SIRPA: variants seen among roughly 807,000 people sequenced by gnomAD.
SIRPA encodes tyrosine-protein phosphatase non-receptor type substrate 1.
SIRPA carries 9 observed loss-of-function variants against 50.3 expected under a neutral mutation model. The observed-to-expected ratio is 0.18, with a 90% confidence interval of 0.11 to 0.31. The LOEUF is 0.31. SIRPA is among the 10% of genes least tolerant of loss of function. The pLI is 1.00. For missense variants in SIRPA, 474 were observed against 661.6 expected, an observed-to-expected ratio of 0.72 and a Z score of 3.11; for synonymous variants, 265 against 284.1, an observed-to-expected ratio of 0.93 and a Z score of 0.68.
rs143335460 is a variant in SIRPA, at chr20:1,921,412, G to A, written c.454G>A (p.Val152Met). 2.2e-5 allele frequency: 35 copies of A among 1,613,452 alleles called. No individual in the cohort carries two copies. Among genetic ancestry groups the A allele is most frequent in the East Asian group, 6.7e-5 (3 of 44,864 alleles). The change falls in exon 3 of 8, where the codon GTG becomes ATG. Residue 152 changes from valine (V) to methionine (M), a missense_variant. By Grantham distance (21) the Val-to-Met change is conservative (BLOSUM62 1). This residue lies in a region of SIRPA where 221 missense variants were observed against 359.9 expected (regional missense o/e 0.61). Coordinates refer to ENST00000358771, the MANE Select transcript of SIRPA (RefSeq NM_001040023.2). ...LSVRAKPSAPVVSGPAARATP... is the reference protein window; with the variant it reads ...LSVRAKPSAPMVSGPAARATP... ...TTTTGTAGCCAAACCCTCTGCCCCC[G>A]TGGTATCGGGCCCTGCGGCGAGGGC...
chr20:1,908,367 T>TAC (rs1420559439), intron 1 of SIRPA, among the ~76,000 whole-genome samples: 2 of 151,732 alleles, frequency 1.3e-5, no homozygotes, highest in Non-Finnish European at 2.9e-5. Flanking sequence ...ACACACCCTC[T>TAC]ACACACACAT....
chr20:1,910,426 A>T (rs1268983198), intron 1 of SIRPA, among the ~76,000 whole-genome samples: 1 of 152,280 alleles, frequency 6.6e-6, no homozygotes, highest in East Asian at 1.9e-4. Context: ...ATAAGAAAAC[A>T]TGCCGACCCC....
rs1328169498 is a variant in SIRPA at position 1,921,404 on chromosome 20, C to G, written c.446C>G (p.Ser149Cys). Residue 149 changes from serine to cysteine, a missense_variant, in exon 3 of 8, where the codon TCT becomes TGT. Coordinates refer to ENST00000358771, the MANE Select transcript of SIRPA (RefSeq NM_001040023.2). The part of the protein sequence containing the change: ...GTELSVRAKP[S>C]APVVSGPAAR... Reference sequence around the variant, plus strand: ...GATGGTCCTTTTGTAGCCAAACCCTCTGCCCCCGTGGTATCGGGCCCTGCG... The same window carrying G: ...GATGGTCCTTTTGTAGCCAAACCCTGTGCCCCCGTGGTATCGGGCCCTGCG... The G allele has an allele frequency of 1.2e-6, 2 of 1,613,166 alleles. No individual in the cohort carries two copies. Among genetic ancestry groups the G allele is most frequent in the Non-Finnish European group, 1.7e-6 (2 of 1,179,256 alleles).
chr20:1,919,334 C>T (rs564221936), intron 2 of SIRPA, among the ~76,000 whole-genome samples: 17 of 152,354 alleles, frequency 1.1e-4, no homozygotes, highest in African/African-American at 3.6e-4. Flanking sequence ...GGACTGAAAA[C>T]CCCTGGGATA....
chr20:1,903,621 C>T (rs1197621790), intron 1 of SIRPA, among the ~76,000 whole-genome samples: 1 of 152,200 alleles, frequency 6.6e-6, no homozygotes, highest in Non-Finnish European at 1.5e-5. Context: ...TCTCCTGCCT[C>T]CTTGGGCTTC....
rs1986488439 is a variant in SIRPA at position 1,934,879 on chromosome 20, A to G, written c.1266+125A>G. The G allele has an allele frequency of 9.8e-7, 1 of 1,018,878 alleles. No homozygotes were observed. Among genetic ancestry groups the G allele is most frequent in the Non-Finnish European group, 1.5e-6 (1 of 655,074 alleles). 63.1% of individuals were successfully genotyped at this position (1,018,878 alleles called of 1,614,324 possible). On this transcript the variant is annotated intron_variant, in intron 7 of 7. Transcript: ENST00000358771. The surrounding 1 kb of genome is among the most constrained non-coding windows in gnomAD (Gnocchi z 4.6). ...TGGGGTGGAGGGTGGAGGATCTTAC[A>G]CTCCTAGCTTTCCCCATGTCCTGTG...
rs1489812713 is a variant in SIRPA, at chr20:1,928,716, T to TAACA, written c.1226+817_1226+818insAACA. Among the ~76,000 whole-genome samples the TAACA allele has an allele frequency of 1.3e-5, 2 of 152,124 alleles. No homozygotes were observed. Among genetic ancestry groups the TAACA allele is most frequent in the African/African-American group, 4.8e-5 (2 of 41,420 alleles). ...GGTGCCTGAAACTAGTGAGCTATGT[T>TAACA]GGACAGGAGCATGCTGGGCCAGAGA... On this transcript the variant is annotated intron_variant, in intron 6 of 7. Transcript: ENST00000358771. This position sits in a 1 kb window ranked among gnomAD's most constrained non-coding sequence, Gnocchi z 4.9.
rs372228659 is a variant in SIRPA, at chr20:1,937,549, T to C, written c.1496T>C (p.Val499Ala). The change falls in exon 8 of 8, where the codon GTC (valine) becomes GCC (alanine). Residue 499 changes from valine to alanine, a missense_variant. Val to Ala is a moderately conservative substitution (Grantham distance 64, BLOSUM62 0). This residue lies in a region of SIRPA where 180 missense variants were observed against 206.7 expected (regional missense o/e 0.87). Transcript: ENST00000358771. The surrounding 1 kb of genome is among the most constrained non-coding windows in gnomAD (Gnocchi z 8.3). ...PEPSFSEYAS[V>A]QVPRK ...CCGTCCTTCTCAGAGTACGCCAGCG[T>C]CCAGGTCCCGAGGAAGTGAATGGGA... 51 of 1,613,946 alleles carry C rather than the reference T, an allele frequency of 3.2e-5. No homozygotes were observed. The highest frequency in any genetic ancestry group is 5.1e-6 in the Non-Finnish European group (6 of 1,180,008).
At chr20:1,916,024 G>C (rs144500367) in intron 2 of SIRPA, among the ~76,000 whole-genome samples, 33 of 152,344 alleles carry the variant, frequency 2.2e-4, no homozygotes, top group Admixed American at 3.9e-4. Flanking sequence ...TGATGGCCCT[G>C]GTGAGAGGAG....
chr20:1,938,000 C>CACCACCACCACCACCACT lies in SIRPA; in HGVS notation c.*443_*444insCACCACTACCACCACCAC, dbSNP rs1986696727. The CACCACCACCACCACCACT allele has an allele frequency of 5.9e-6, 1 of 170,794 alleles. No individual in the cohort carries two copies. Among genetic ancestry groups the CACCACCACCACCACCACT allele is most frequent in the South Asian group, 1.2e-4 (1 of 8,092 alleles). The allele number at this position is 170,794 out of a possible 1,614,324, so 10.6% of individuals were successfully genotyped here. A position where few individuals can be genotyped will look rare whatever the true frequency, so the allele number is the denominator to read the frequency against. ...CCACCTCCACCACCACCACCACCACCACCACCACCACTACCACCACCACCC... is the reference window on the plus strand; with the variant it reads ...CCACCTCCACCACCACCACCACCACCACCACCACCACCACCACTACCACCACCACTACCACCACCACCC... On this transcript the variant is annotated 3_prime_UTR_variant, in exon 8 of 8. Transcript: ENST00000358771. This position sits in a 1 kb window ranked among gnomAD's most constrained non-coding sequence, Gnocchi z 8.3.
intron 6 of SIRPA, among the ~76,000 whole-genome samples, chr20:1,929,910 T>A (rs748215773): frequency 6.6e-6 from 1 of 152,084 alleles, no homozygotes; most frequent in Non-Finnish European, 1.5e-5. Flanking sequence ...CCCCTTGTGG[T>A]CCAGTTGCCT....
At chr20:1,901,769 G>T (rs186292604) in intron 1 of SIRPA, among the ~76,000 whole-genome samples, 2 of 152,108 alleles carry the variant, frequency 1.3e-5, no homozygotes, top group African/African-American at 2.4e-5. Flanking sequence ...TGGCACATTC[G>T]TTCGGGGGCG....
chr20:1,923,993 G>C (rs1600440672), intron 4 of SIRPA, among the ~76,000 whole-genome samples: 1 of 151,762 alleles, frequency 6.6e-6, no homozygotes, highest in Admixed American at 6.6e-5. Context: ...TGGTTGGTTG[G>C]TTGGTTGGTT....
chr20:1,930,957 A>G (rs1437178274), intron 6 of SIRPA, among the ~76,000 whole-genome samples: 1 of 152,204 alleles, frequency 6.6e-6, no homozygotes, highest in Non-Finnish European at 1.5e-5. Context: ...AGAATAGGAC[A>G]TTGTCGATAA....
chr20:1,915,392 C>T lies in SIRPA; in HGVS notation c.373C>T (p.Arg125Trp), dbSNP rs1985207234. 1.3e-6 allele frequency: 2 copies of T among 1,594,432 alleles called. No individual in the cohort carries two copies. The highest frequency in any genetic ancestry group is 8.5e-7 in the Non-Finnish European group (1 of 1,171,646). Residue 125 changes from arginine to tryptophan, a missense_variant, in exon 2 of 8, where the codon CGG becomes TGG. Transcript: ENST00000358771. ...CGGCACCTACTACTGTGTGAAGTTC[C>T]GGAAAGGGAGCCCCGATGACGTGGA... ...DAGTYYCVKF[R>W]KGSPDDVEFK...
chr20:1,920,437 T>C (rs1017571260), intron 2 of SIRPA, among the ~76,000 whole-genome samples: 13 of 152,242 alleles, frequency 8.5e-5, no homozygotes, highest in African/African-American at 3.1e-4. Context: ...GAGACACGTT[T>C]ACGACCCATC....
At chr20:1,906,550 G>A (rs977621188) in intron 1 of SIRPA, among the ~76,000 whole-genome samples, 9 of 152,150 alleles carry the variant, frequency 5.9e-5, no homozygotes, top group African/African-American at 2.2e-4. Context: ...AGAGGCAATG[G>A]CGAGTGCAAA....
intron 2 of SIRPA, among the ~76,000 whole-genome samples, chr20:1,917,648 C>T (rs1985383745): frequency 6.6e-6 from 1 of 152,198 alleles, no homozygotes; most frequent in Non-Finnish European, 1.5e-5. Context: ...GGACAGGTCT[C>T]AGCACATCAC....
rs28706107 is a variant in SIRPA, at chr20:1,904,481, C to T, written c.79+8955C>T. ...CAGAGGGAGGTGGAATCAGACCACT[C>T]GGCAGCCCTGTGACCATGGCCAAAT... On this transcript the variant is annotated intron_variant, in intron 1 of 7. Coordinates refer to ENST00000358771, the MANE Select transcript of SIRPA (RefSeq NM_001040023.2). 2.6e-3 allele frequency among the ~76,000 whole-genome samples: 402 copies of T among 152,244 alleles called. 1 individual carries two copies. The highest frequency in any genetic ancestry group is 9.3e-3 in the African/African-American group (386 of 41,554).
Sources: allele counts gnomAD v4.1 joint callset (sites outside exome capture counted in the v4.1 genomes callset), GRCh38; gene constraint gnomAD v4.1.1; regional missense constraint gnomAD v4.1.1; non-coding constraint Gnocchi (gnomAD v3.1); transcripts MANE v1.5; gene names NCBI Gene and HGNC (gene_info 2026-07-23, HGNC 2026-07-21).